The following MTUS1 variants were observed in gnomAD, a reference collection of about 807,000 sequenced individuals.
MTUS1 encodes microtubule associated scaffold protein 1.
A neutral mutation model predicts 120.8 loss-of-function variants in MTUS1; 109 were observed. That is an observed-to-expected ratio of 0.90 (90% CI 0.77 to 1.06). The LOEUF (loss-of-function observed/expected upper bound fraction) is 1.06, where lower values mean the gene tolerates loss of function less well. MTUS1 is among the 50% of genes least tolerant of loss of function. The pLI, the probability that MTUS1 is intolerant of heterozygous loss-of-function variation, is 0.00. For missense variants in MTUS1, 2,210 were observed against 1,486.3 expected, an observed-to-expected ratio of 1.49 and a Z score of -8.01; for synonymous variants, 737 against 550.5, an observed-to-expected ratio of 1.34 and a Z score of -4.74.
chr8:17,716,397 C>G (rs1822334615), intron 4 of MTUS1: 1 of 152,864 alleles, frequency 6.5e-6, no homozygotes, highest in Non-Finnish European at 1.5e-5. Context: ...TAACTTCTGC[C>G]CTGAACAAAG....
At chr8:17,778,149 T>A (rs746184221) in intron 1 of MTUS1, among the ~76,000 whole-genome samples, 4 of 152,188 alleles carry the variant, frequency 2.6e-5, no homozygotes, top group African/African-American at 9.7e-5. Context: ...GTAGATTATT[T>A]TTTTTTAATT....
At chr8:17,689,322 G>T (rs796178307) in intron 6 of MTUS1, among the ~76,000 whole-genome samples, 2 of 152,208 alleles carry the variant, frequency 1.3e-5, no homozygotes, top group African/African-American at 4.8e-5. Flanking sequence ...TTACTATATT[G>T]GTAGAATTCG....
At chr8:17,738,134 T>A (rs767580507) in intron 3 of MTUS1, among the ~76,000 whole-genome samples, 32 of 152,202 alleles carry the variant, frequency 2.1e-4, no homozygotes, top group Non-Finnish European at 4.0e-4. Flanking sequence ...AATAAAGAGT[T>A]GCCCTTTTGA....
At chr8:17,766,189 C>G (rs980297677) in intron 1 of MTUS1, among the ~76,000 whole-genome samples, 2 of 152,060 alleles carry the variant, frequency 1.3e-5, no homozygotes, top group East Asian at 3.9e-4. Context: ...TGAAAGCATA[C>G]GGTATTAGCA....
intron 3 of MTUS1, among the ~76,000 whole-genome samples, chr8:17,743,354 T>C (rs950939573): frequency 3.9e-5 from 6 of 152,202 alleles, no homozygotes; most frequent in Admixed American, 1.3e-4. Context: ...CAATTGTATA[T>C]TTATGTACAC....
intron 6 of MTUS1, among the ~76,000 whole-genome samples, chr8:17,703,508 C>G (rs1323866517): frequency 1.3e-5 from 2 of 151,664 alleles, no homozygotes; most frequent in African/African-American, 4.8e-5. Flanking sequence ...TGGTGCGCAC[C>G]TGTAGTCCCA....
At chr8:17,648,605 A>C (rs1404781789) in intron 13 of MTUS1, among the ~76,000 whole-genome samples, 2 of 152,190 alleles carry the variant, frequency 1.3e-5, no homozygotes, top group African/African-American at 4.8e-5. Flanking sequence ...TCCTTCCTTT[A>C]CAAAAATTTC....
intron 2 of MTUS1, 55 bp from the exon 3 acceptor site, chr8:17,743,854 A>C: frequency 1.3e-6 from 2 of 1,500,748 alleles, no homozygotes; most frequent in South Asian, 1.2e-5. Context: ...AAGCCCCCCA[A>C]CTGACTGAAT....
At chr8:17,680,964 C>G (rs112318481) in intron 7 of MTUS1, among the ~76,000 whole-genome samples, 2 of 151,598 alleles carry the variant, frequency 1.3e-5, no homozygotes, top group Non-Finnish European at 2.9e-5. Flanking sequence ...GTTGGAATCT[C>G]GCTCTGTTGC....
intron 6 of MTUS1, among the ~76,000 whole-genome samples, chr8:17,688,409 T>C (rs1050065971): frequency 6.6e-6 from 1 of 152,166 alleles, no homozygotes; most frequent in African/African-American, 2.4e-5. Context: ...TCTCAACCTA[T>C]CTGTAAAAAG....
At chr8:17,668,820 C>T (rs1811437370) in intron 8 of MTUS1, among the ~76,000 whole-genome samples, 1 of 152,172 alleles carries the variant, frequency 6.6e-6, no homozygotes, top group Non-Finnish European at 1.5e-5. Context: ...GCTCCTCTCC[C>T]TCCTCCCGCC....
Position 17,656,064 on chromosome 8 carries a change from G to C in MTUS1, c.2907C>G (p.Val969=), listed in dbSNP as rs774931734. 1.9e-6 allele frequency: 3 copies of C among 1,614,046 alleles called. No individual in the cohort carries two copies. The highest frequency in any genetic ancestry group is 1.7e-5 in the Admixed American group (1 of 60,026). ...QELVNLRGEL[V]TASTTCEKLE... is the part of the protein sequence containing the mutation. The stretch of plus-strand genomic sequence containing the variant: ...ATTTCTCACAGGTGGTTGAAGCAGT[G>C]ACTGAAAACAGAGGAGAAAGAAGAG... Residue 969 remains valine, a splice_region_variant and synonymous_variant, in exon 9 of 15, where the codon GTC becomes GTG. Coordinates refer to ENST00000693296, the MANE Select transcript of MTUS1 (RefSeq NM_001363059.2).
Position 17,671,319 on chromosome 8 carries a change from A to C in MTUS1, c.2905+3867T>G, listed in dbSNP as rs1381608840. Among the ~76,000 whole-genome samples the C allele has an allele frequency of 2.0e-5, 3 of 152,162 alleles. No homozygotes were observed. The East Asian group carries it at 5.8e-4, about 29-fold the overall frequency. ...AAACTTAAAATACCCAAAAATATTT[A>C]TCGAGTACCCAAGAAAACAGAAAGC... On this transcript the variant is annotated intron_variant, in intron 8 of 14. Transcript: ENST00000693296.
At chr8:17,725,606 C>T (rs2046175459) in intron 3 of MTUS1, among the ~76,000 whole-genome samples, 1 of 152,128 alleles carries the variant, frequency 6.6e-6, no homozygotes, top group Admixed American at 6.6e-5. Context: ...AAATCCTGTC[C>T]TTCCATCCCT....
At chr8:17,759,982 G>A (rs995347719) in intron 1 of MTUS1, among the ~76,000 whole-genome samples, 6 of 151,670 alleles carry the variant, frequency 4.0e-5, no homozygotes, top group Non-Finnish European at 8.8e-5. Context: ...GCTGAGGCAG[G>A]AGCATCATTT....
At chr8:17,679,236 T>C (rs10112412) in intron 7 of MTUS1, among the ~76,000 whole-genome samples, 1 of 151,534 alleles carries the variant, frequency 6.6e-6, no homozygotes, top group Non-Finnish European at 1.5e-5. Context: ...ATTATACATA[T>C]ATAAAAATAC....
intron 3 of MTUS1, among the ~76,000 whole-genome samples, chr8:17,742,797 C>T (rs755036795): frequency 3.3e-5 from 5 of 152,204 alleles, no homozygotes; most frequent in Non-Finnish European, 5.9e-5. Context: ...TGCTCGCTTT[C>T]ATTAGTTTCC....
At chr8:17,682,809 TGG>T (rs1326106172) in intron 7 of MTUS1, among the ~76,000 whole-genome samples, 2 of 152,210 alleles carry the variant, frequency 1.3e-5, no homozygotes, top group Non-Finnish European at 2.9e-5. Context: ...TTAGCTTACT[TGG>T]TTATATAAAC....
At chr8:17,704,624 A>G (rs865944163) in intron 6 of MTUS1, among the ~76,000 whole-genome samples, 1 of 152,138 alleles carries the variant, frequency 6.6e-6, no homozygotes, top group Admixed American at 6.5e-5. Context: ...CCATCGGTCT[A>G]TGTTTCTATA....
Sources: allele counts gnomAD v4.1 joint callset (sites outside exome capture counted in the v4.1 genomes callset), GRCh38; gene constraint gnomAD v4.1.1; transcripts MANE v1.5; gene names NCBI Gene and HGNC (gene_info 2026-07-23, HGNC 2026-07-21).